DSCAML1: variants seen among roughly 807,000 people sequenced by gnomAD.
The protein encoded by DSCAML1 is cell adhesion molecule DSCAML1.
Under a neutral mutation model 200.5 loss-of-function variants are expected in DSCAML1, and 38 were observed. That is an observed-to-expected ratio of 0.19 (90% confidence interval 0.15 to 0.25). The LOEUF is 0.25. Ranked by LOEUF, DSCAML1 falls within the 10% of genes least tolerant of loss-of-function variation. The pLI is 1.00. For missense variants in DSCAML1, 2,223 were observed against 2,858.8 expected (o/e 0.78, Z 5.07); for synonymous variants, 1,215 against 1,165.0 (o/e 1.04, Z -0.87).
At chr11:117,759,053 G>C (rs762577144) in intron 3 of DSCAML1, among the ~76,000 whole-genome samples, 1 of 152,138 alleles carries the variant, frequency 6.6e-6, no homozygotes, top group African/African-American at 2.4e-5. Context: ...AAACTCTGGC[G>C]ATACTTCTAG....
chr11:117,599,619 C>A (rs2051427832), intron 3 of DSCAML1, among the ~76,000 whole-genome samples: 1 of 152,140 alleles, frequency 6.6e-6, no homozygotes, highest in Non-Finnish European at 1.5e-5. Flanking sequence ...TCTTCCTTAG[C>A]CTTCTCTTCC....
chr11:117,468,288 T>C (rs1218827726), intron 16 of DSCAML1, among the ~76,000 whole-genome samples: 1 of 147,494 alleles, frequency 6.8e-6, no homozygotes, highest in African/African-American at 2.6e-5. Context: ...TATTTTTCAT[T>C]AATCTGTTTC....
At chr11:117,434,477 T>G (rs1238725154) in intron 27 of DSCAML1, among the ~76,000 whole-genome samples, 1 of 152,204 alleles carries the variant, frequency 6.6e-6, no homozygotes, top group Non-Finnish European at 1.5e-5. Context: ...CAGCCATCCA[T>G]CCATCTTGTC....
At position 117,780,584 on chromosome 11, in the gene DSCAML1, G is replaced by T; in HGVS notation, c.273C>A (p.Ala91=). The change falls in exon 2 of 33, where the codon GCC becomes GCA. Residue 91 remains alanine (A), a synonymous_variant. Transcript: ENST00000651296. This position sits in a 1 kb window ranked among gnomAD's most constrained non-coding sequence, Gnocchi z 4.8. ...TLQLYPFSPS[A]FNSFIHDNDY... ...CATTGTCGTGGATAAAGCTATTGAA[G>T]GCGGAGGGGGAGAAGGGGTAGAGCT... is the stretch of plus-strand genomic sequence containing the variant. The T allele has an allele frequency of 6.3e-7, 1 of 1,581,280 alleles. No individual in the cohort carries two copies. The highest frequency in any genetic ancestry group is 8.6e-7 in the Non-Finnish European group (1 of 1,162,188).
In DSCAML1 at chr11:117,718,664, C is replaced by CA. The variant is rs67925411; in HGVS notation, c.511+58126dup. On this transcript the variant is annotated intron_variant, in intron 3 of 32. Transcript: ENST00000651296. ...AATACACACACACAAGATGAATACT[C>CA]AAAACCCCCCCCCCCCCCCATCATA... Among the ~76,000 whole-genome samples the CA allele has an allele frequency of 2.2e-3, 96 of 43,020 alleles. 12 individuals carry two copies. Among genetic ancestry groups the CA allele is most frequent in the African/African-American group, 6.5e-3 (80 of 12,284 alleles). 28.2% of individuals were successfully genotyped at this position (43,020 alleles called of 152,430 possible). A position where few individuals can be genotyped will look rare whatever the true frequency, so the allele number is the denominator to read the frequency against.
chr11:117,521,552 T>A (rs2137317615), intron 5 of DSCAML1, 147 bp from the exon 6 acceptor site: 1 of 779,878 alleles, frequency 1.3e-6, no homozygotes, highest in Admixed American at 2.7e-5. Context: ...GGACTGGGAC[T>A]GGGGAATTCC....
At chr11:117,433,367 G>C in intron 28 of DSCAML1, 74 bp downstream of exon 28, 2 of 1,593,362 alleles carry the variant, frequency 1.3e-6, no homozygotes, top group East Asian at 2.2e-5. Flanking sequence ...TGGGAGTTCA[G>C]AGCGAGGCTC....
chr11:117,810,886 T>C (rs1258446828), intron 1 of DSCAML1, among the ~76,000 whole-genome samples: 2 of 152,210 alleles, frequency 1.3e-5, no homozygotes, highest in Non-Finnish European at 2.9e-5. Flanking sequence ...CCCTCCCGCC[T>C]GTCCCCTCAG....
chr11:117,629,827 T>A (rs10892146), intron 3 of DSCAML1, among the ~76,000 whole-genome samples: 111,533 of 152,044 alleles, frequency 0.73, 41,141 homozygotes, highest in Admixed American at 0.78. Context: ...CAAGACCCCA[T>A]CGCTACAAAA....
At chr11:117,712,282 A>C (rs2053862620) in intron 3 of DSCAML1, among the ~76,000 whole-genome samples, 1 of 152,152 alleles carries the variant, frequency 6.6e-6, no homozygotes, top group Non-Finnish European at 1.5e-5. Flanking sequence ...CCAAACCTGG[A>C]GGTCCTAAAT....
At chr11:117,772,909 A>G (rs564067569) in intron 3 of DSCAML1, among the ~76,000 whole-genome samples, 1 of 152,276 alleles carries the variant, frequency 6.6e-6, no homozygotes, top group African/African-American at 2.4e-5. Flanking sequence ...TGCTTTACAC[A>G]CATCTTTAAA....
In DSCAML1 at chr11:117,518,567, A is replaced by G; in HGVS notation, c.1409T>C (p.Met470Thr). The part of the protein sequence containing the change: ...TMSDGTTISH[M>T]NVTGPQIRDG... ...GCGGATCTGGGGGCCTGTGACGTTC[A>G]TGTGGCTGATGGTGGTGCCGTCCGA... Residue 470 changes from methionine (M) to threonine (T), a missense_variant, in exon 7 of 33, where the codon ATG becomes ACG. Physicochemically the swap from Met to Thr is moderately conservative, Grantham distance 81 (BLOSUM62 -1). Transcript: ENST00000651296. This position sits in a 1 kb window ranked among gnomAD's most constrained non-coding sequence, Gnocchi z 6.3. 1.2e-6 allele frequency: 2 copies of G among 1,614,164 alleles called. No individual in the cohort carries two copies. Among genetic ancestry groups the G allele is most frequent in the Non-Finnish European group, 1.7e-6 (2 of 1,180,034 alleles).
intron 3 of DSCAML1, among the ~76,000 whole-genome samples, chr11:117,771,656 C>A (rs566151381): frequency 4.1e-4 from 62 of 152,278 alleles, no homozygotes; most frequent in African/African-American, 1.5e-3. Flanking sequence ...ACCGGAAGAC[C>A]GGCTCACATC....
chr11:117,461,687 C>T, intron 17 of DSCAML1, 91 bp from the exon 18 acceptor site: 2 of 1,332,330 alleles, frequency 1.5e-6, no homozygotes, highest in Non-Finnish European at 2.1e-6. Flanking sequence ...GTCCCGCAGT[C>T]CAACCAGAGG....
In DSCAML1 at chr11:117,481,265, C is replaced by A. The variant is rs1442904863; in HGVS notation, c.2565G>T (p.Lys855Asn). 1 of 1,613,708 alleles carries A rather than the reference C, an allele frequency of 6.2e-7. No homozygotes were observed. The highest frequency in any genetic ancestry group is 1.7e-5 in the Admixed American group (1 of 60,002). Residue 855 changes from lysine to asparagine, a missense_variant, in exon 13 of 33, where the codon AAG becomes AAT. This residue lies in a region of DSCAML1 where 438 missense variants were observed against 629.7 expected (regional missense o/e 0.70). Transcript: ENST00000651296. The part of the protein sequence containing the change: ...GDEVVSTLKL[K>N]PADRGDSVFF... Reference sequence around the variant, plus strand: ...ACACAGAGTCCCCACGGTCAGCGGGCTTGAGCTGGGAGACCACCAGCAGGG... The same window carrying A: ...ACACAGAGTCCCCACGGTCAGCGGGATTGAGCTGGGAGACCACCAGCAGGG...
chr11:117,688,103 C>T (rs1442972599), intron 3 of DSCAML1, among the ~76,000 whole-genome samples: 1 of 152,148 alleles, frequency 6.6e-6, no homozygotes, highest in Non-Finnish European at 1.5e-5. Context: ...CCAGTACTGG[C>T]AGAAGGGGAG....
chr11:117,683,525 C>G (rs1221535461), intron 3 of DSCAML1, among the ~76,000 whole-genome samples: 1 of 152,188 alleles, frequency 6.6e-6, no homozygotes. Flanking sequence ...CTCCTTATAA[C>G]CCTGTAGGAG....
At chr11:117,435,311 T>G (rs2047891196) in intron 27 of DSCAML1, among the ~76,000 whole-genome samples, 1 of 152,214 alleles carries the variant, frequency 6.6e-6, no homozygotes, top group Admixed American at 6.5e-5. Flanking sequence ...TGAGAGGGGA[T>G]GAAGCATCCA....
chr11:117,469,228 C>T lies in DSCAML1; in HGVS notation c.3024+682G>A, dbSNP rs573514815. Among the ~76,000 whole-genome samples, 1 of 152,304 alleles carries T rather than the reference C, an allele frequency of 6.6e-6. No homozygotes were observed. The highest frequency in any genetic ancestry group is 2.4e-5 in the African/African-American group (1 of 41,564). ...GTCAGATGAGTTGGTAAAGAGAAAG[C>T]ACTTGGAGACTGGAGGATGCAGTGA... On this transcript the variant is annotated intron_variant, in intron 16 of 32. Transcript: ENST00000651296. The surrounding 1 kb of genome is among the most constrained non-coding windows in gnomAD (Gnocchi z 4.1).
Sources: gnomAD v4.1 joint callset for allele counts (sites outside exome capture counted in the v4.1 genomes callset) on GRCh38, gnomAD v4.1.1 for gene constraint, gnomAD v4.1.1 regional missense constraint, Gnocchi (gnomAD v3.1) non-coding constraint, MANE v1.5 for transcripts, NCBI Gene and HGNC (gene_info 2026-07-23, HGNC 2026-07-21) for gene names.